Variants in CCDC171 observed in about 807,000 individuals in gnomAD.
CCDC171 encodes coiled-coil domain-containing protein 171.
Under a neutral mutation model 168.2 loss-of-function variants are expected in CCDC171, and 177 were observed. That is an observed-to-expected ratio of 1.05 (90% CI 0.93 to 1.19). The LOEUF (loss-of-function observed/expected upper bound fraction) is 1.19, where lower values mean the gene tolerates loss of function less well. CCDC171 is among the 50% of genes most tolerant of loss of function. The pLI, the probability that CCDC171 is intolerant of heterozygous loss-of-function variation, is 0.00. For synonymous variants in CCDC171, 687 were observed against 540.8 expected (o/e 1.27, Z -3.75); for missense variants, 1,991 against 1,539.0 (o/e 1.29, Z -4.91).
chr9:15,696,830 T>A (rs2051253978), intron 11 of CCDC171, among the ~76,000 whole-genome samples: 1 of 152,216 alleles, frequency 6.6e-6, no homozygotes, highest in African/African-American at 2.4e-5. Flanking sequence ...TTATTAACCA[T>A]CCTTTTTTAT....
intron 6 of CCDC171, among the ~76,000 whole-genome samples, chr9:15,606,823 A>T (rs1363892452): frequency 1.4e-4 from 21 of 152,180 alleles, no homozygotes. Flanking sequence ...ATTTTAAAAT[A>T]TTTTAAGTTC....
At chr9:15,745,950 C>T (rs939300838) in intron 18 of CCDC171, among the ~76,000 whole-genome samples, 1 of 151,838 alleles carries the variant, frequency 6.6e-6, no homozygotes, top group Non-Finnish European at 1.5e-5. Flanking sequence ...ATGTTTTGGC[C>T]TTATTTCACT....
At chr9:16,088,945 A>G in the CCDC171 span, among the ~76,000 whole-genome samples, 29 of 152,328 alleles carry the variant, frequency 1.9e-4, 1 homozygote, top group Admixed American at 3.9e-4. Context: ...GCATCTTGCT[A>G]CCTGACTTCA....
chr9:16,063,699 C>T (rs1049213690), downstream of CCDC171, among the ~76,000 whole-genome samples: 1 of 152,170 alleles, frequency 6.6e-6, no homozygotes, highest in Non-Finnish European at 1.5e-5. Flanking sequence ...TTCCTCATGA[C>T]AATGCCTTTT....
chr9:15,666,388 T>C (rs1445950433), intron 9 of CCDC171, 65 bp downstream of exon 9: 3 of 1,146,932 alleles, frequency 2.6e-6, no homozygotes, highest in Non-Finnish European at 3.7e-6. Flanking sequence ...ATATAAAATA[T>C]GAATGTATAC....
intron 6 of CCDC171, among the ~76,000 whole-genome samples, chr9:15,617,717 TC>T (rs1205195311): frequency 1.3e-5 from 2 of 152,076 alleles, no homozygotes. Context: ...GTTGTTCCTT[TC>T]TGTTTGTTAG....
At chr9:15,822,824 C>T (rs1292230412) in intron 21 of CCDC171, among the ~76,000 whole-genome samples, 6 of 152,252 alleles carry the variant, frequency 3.9e-5, no homozygotes, top group South Asian at 2.1e-4. Flanking sequence ...ACCCAGCCAT[C>T]GCATTGCTGG....
downstream of CCDC171, among the ~76,000 whole-genome samples, chr9:15,975,382 T>A (rs10738421): frequency 0.36 from 55,321 of 151,614 alleles, 11,687 homozygotes; most frequent in East Asian, 0.62. Flanking sequence ...GAAAAAAAAA[T>A]TTTTTTTAAT....
chr9:15,576,478 G>C (rs183851236), intron 3 of CCDC171, among the ~76,000 whole-genome samples: 1 of 152,028 alleles, frequency 6.6e-6, no homozygotes, highest in African/African-American at 2.4e-5. Flanking sequence ...GTGAGCCACC[G>C]CACCTGGCCA....
At chr9:15,864,470 C>T (rs560034239) in intron 23 of CCDC171, among the ~76,000 whole-genome samples, 1 of 152,136 alleles carries the variant, frequency 6.6e-6, no homozygotes, top group East Asian at 1.9e-4. Flanking sequence ...GCTCCCCGCA[C>T]CCCACGACAG....
intron 8 of CCDC171, among the ~76,000 whole-genome samples, chr9:15,660,097 A>G (rs2048206353): frequency 6.6e-6 from 1 of 152,216 alleles, no homozygotes; most frequent in South Asian, 2.1e-4. Context: ...AATGTAAGAT[A>G]CAACTGTATT....
chr9:15,650,526 C>T (rs1358829857), intron 7 of CCDC171, among the ~76,000 whole-genome samples: 2 of 152,232 alleles, frequency 1.3e-5, no homozygotes, highest in South Asian at 2.1e-4. Context: ...TGGTCATTTA[C>T]ATATCTTTTT....
Position 15,935,559 on chromosome 9 carries a change from T to G in CCDC171, c.3753+15137T>G, listed in dbSNP as rs189114297. Among the ~76,000 whole-genome samples the G allele has an allele frequency of 2.0e-5, 3 of 152,200 alleles. No individual in the cohort carries two copies. In the East Asian group the frequency reaches 5.8e-4, roughly 30 times the overall value. On this transcript the variant is annotated intron_variant, in intron 25 of 25. Transcript: ENST00000380701. Reference sequence around the variant, plus strand: ...TGTTTCTAAATTTATAATAAAATTATATGTTGAATTTGGTTATATTAGCAT... The same window carrying G: ...TGTTTCTAAATTTATAATAAAATTAGATGTTGAATTTGGTTATATTAGCAT...
intron 15 of CCDC171, among the ~76,000 whole-genome samples, chr9:15,728,280 A>C (rs899631381): frequency 2.6e-5 from 4 of 152,130 alleles, no homozygotes; most frequent in Non-Finnish European, 4.4e-5. Flanking sequence ...TGCTAATACT[A>C]CTAGCCAGTA....
chr9:15,836,286 A>T (rs1449305181), intron 21 of CCDC171, among the ~76,000 whole-genome samples: 1 of 152,188 alleles, frequency 6.6e-6, no homozygotes, highest in Non-Finnish European at 1.5e-5. Context: ...TCTGCTTCAT[A>T]TGTCCATACC....
chr9:15,590,491 C>T (rs1180558663), intron 4 of CCDC171, among the ~76,000 whole-genome samples: 2 of 152,142 alleles, frequency 1.3e-5, no homozygotes, highest in Non-Finnish European at 2.9e-5. Flanking sequence ...TTTCTAGGTG[C>T]TGAAACAGAG....
chr9:15,944,496 G>C (rs903400712), intron 25 of CCDC171, among the ~76,000 whole-genome samples: 1 of 151,958 alleles, frequency 6.6e-6, no homozygotes, highest in Non-Finnish European at 1.5e-5. Flanking sequence ...CCTTAAATGT[G>C]TTAATGTATT....
At chr9:15,796,672 A>G (rs2058572363) in intron 21 of CCDC171, among the ~76,000 whole-genome samples, 2 of 152,184 alleles carry the variant, frequency 1.3e-5, no homozygotes, top group African/African-American at 4.8e-5. Flanking sequence ...GCAGGGTGCA[A>G]GATGGGCCAA....
intron 6 of CCDC171, among the ~76,000 whole-genome samples, chr9:15,613,047 G>C (rs759610628): frequency 6.6e-6 from 1 of 152,122 alleles, no homozygotes; most frequent in Non-Finnish European, 1.5e-5. Flanking sequence ...TGTTGACATA[G>C]ATTTTCTGTT....
Sources: gnomAD v4.1 joint callset for allele counts (sites outside exome capture counted in the v4.1 genomes callset) on GRCh38, gnomAD v4.1.1 for gene constraint, MANE v1.5 for transcripts, NCBI Gene and HGNC (gene_info 2026-07-23, HGNC 2026-07-21) for gene names.